The following PCDH15 variants were observed in gnomAD, a reference collection of about 807,000 sequenced individuals.
The protein encoded by PCDH15 is protocadherin-15.
PCDH15 carries 129 observed loss-of-function variants against 178.5 expected under a neutral mutation model. That is an observed-to-expected ratio of 0.72 (90% CI 0.63 to 0.84). PCDH15 has a LOEUF of 0.84. Ranked by LOEUF, PCDH15 falls within the 40% of genes least tolerant of loss-of-function variation. The pLI is 0.00. For missense variants in PCDH15, 2,230 were observed against 2,099.9 expected, an observed-to-expected ratio of 1.06 and a Z score of -1.21; for synonymous variants, 800 against 732.0, an observed-to-expected ratio of 1.09 and a Z score of -1.50.
intron 2 of PCDH15, among the ~76,000 whole-genome samples, chr10:55,086,868 G>C (rs1842183295): frequency 6.6e-6 from 1 of 152,030 alleles, no homozygotes; most frequent in African/African-American, 2.4e-5. Context: ...TTTGGTGGCT[G>C]TTTGTGGTTG....
chr10:54,182,109 C>T (rs905583090), intron 13 of PCDH15, among the ~76,000 whole-genome samples: 6 of 152,196 alleles, frequency 3.9e-5, no homozygotes, highest in Non-Finnish European at 7.4e-5. Flanking sequence ...AGGCGCATGC[C>T]GCCACGTCCG....
At chr10:55,327,124 A>T (rs1013524412) in intron 2 of PCDH15, among the ~76,000 whole-genome samples, 1 of 152,072 alleles carries the variant, frequency 6.6e-6, no homozygotes, top group African/African-American at 2.4e-5. Context: ...GTAGGACCAG[A>T]ACCCTCATGA....
intron 2 of PCDH15, among the ~76,000 whole-genome samples, chr10:54,619,999 CAG>C (rs2093306417): frequency 6.6e-6 from 1 of 151,922 alleles, no homozygotes; most frequent in Non-Finnish European, 1.5e-5. Context: ...ATCAAAAAAA[CAG>C]ATATTTCTTA....
intron 2 of PCDH15, among the ~76,000 whole-genome samples, chr10:55,125,732 T>A (rs937589918): frequency 2.0e-5 from 3 of 152,192 alleles, no homozygotes; most frequent in Non-Finnish European, 2.9e-5. Context: ...AGCATCAGTT[T>A]TTTTGTTTTG....
At chr10:54,225,792 C>G (rs566443724) in intron 9 of PCDH15, among the ~76,000 whole-genome samples, 2 of 152,162 alleles carry the variant, frequency 1.3e-5, no homozygotes, top group South Asian at 4.1e-4. Context: ...ATTACCACTC[C>G]TATTCAAACT....
chr10:53,833,485 C>A (rs2132661530), intron 29 of PCDH15, among the ~76,000 whole-genome samples: 1 of 152,132 alleles, frequency 6.6e-6, no homozygotes, highest in East Asian at 1.9e-4. Flanking sequence ...ATAACATTAT[C>A]CCTTACAAAA....
chr10:54,207,248 A>G (rs1383913354), intron 10 of PCDH15, among the ~76,000 whole-genome samples: 2 of 152,122 alleles, frequency 1.3e-5, no homozygotes, highest in Non-Finnish European at 2.9e-5. Flanking sequence ...ATTAGCTTCC[A>G]TAATTGGCAT....
At chr10:53,950,183 A>G (rs2086902327) in intron 23 of PCDH15, among the ~76,000 whole-genome samples, 1 of 151,998 alleles carries the variant, frequency 6.6e-6, no homozygotes, top group Non-Finnish European at 1.5e-5. Context: ...GATATATTAA[A>G]TTTTAATAAT....
intron 2 of PCDH15, among the ~76,000 whole-genome samples, chr10:55,155,753 T>C (rs1838867941): frequency 6.6e-6 from 1 of 152,086 alleles, no homozygotes; most frequent in Non-Finnish European, 1.5e-5. Flanking sequence ...ACTCATCAAG[T>C]CCCTGATGAG....
At chr10:54,100,730 A>AGTTG (rs2094794398) in intron 15 of PCDH15, among the ~76,000 whole-genome samples, 1 of 152,220 alleles carries the variant, frequency 6.6e-6, no homozygotes, top group African/African-American at 2.4e-5. Context: ...TGTTATCAAT[A>AGTTG]AAACTCTCAC....
intron 21 of PCDH15, among the ~76,000 whole-genome samples, chr10:53,986,280 C>T (rs1166804013): frequency 6.6e-6 from 1 of 152,138 alleles, no homozygotes; most frequent in Admixed American, 6.5e-5. Flanking sequence ...CAGATATCGC[C>T]TCATGCTTTG....
chr10:54,358,832 T>G lies in PCDH15; in HGVS notation c.474+10288A>C, dbSNP rs544829442. 3.2e-4 allele frequency among the ~76,000 whole-genome samples: 49 copies of G among 151,814 alleles called. No homozygotes were observed. The South Asian group carries it at 6.9e-3, about 21-fold the overall frequency. On this transcript the variant is annotated intron_variant, in intron 5 of 37. Transcript: ENST00000644397. ...TACACCATGGAATACTATGCAGCCA[T>G]AAAAAATGATGAGTTCATGTCCTTT...
At chr10:54,177,900 C>G (rs557771665) in intron 13 of PCDH15, among the ~76,000 whole-genome samples, 19 of 152,260 alleles carry the variant, frequency 1.2e-4, no homozygotes, top group African/African-American at 3.8e-4. Context: ...TCTACTTTGT[C>G]ATGTCCAGCT....
At chr10:54,930,864 A>G (rs909603499) in intron 2 of PCDH15, among the ~76,000 whole-genome samples, 2 of 152,172 alleles carry the variant, frequency 1.3e-5, no homozygotes, top group Non-Finnish European at 2.9e-5. Flanking sequence ...TTAATAAGAC[A>G]TACGTAATCA....
In PCDH15 at chr10:54,640,036, G is replaced by A. The variant is rs76633787; in HGVS notation, c.91+24136C>T. On this transcript the variant is annotated intron_variant, in intron 2 of 37. Coordinates refer to ENST00000644397, the MANE Select transcript of PCDH15 (RefSeq NM_001384140.1). The stretch of plus-strand genomic sequence containing the variant: ...GGAGGTCAAAGCTGTAGTGCATCAC[G>A]GTCATACCTGTGAATAGCACTGCAC... 3.4e-3 allele frequency among the ~76,000 whole-genome samples: 512 copies of A among 152,038 alleles called. 6 individuals carry two copies. Among genetic ancestry groups the A allele is most frequent in the African/African-American group, 0.012 (496 of 41,454 alleles).
chr10:54,723,492 T>C (rs1941986854), intron 1 of PCDH15, among the ~76,000 whole-genome samples: 1 of 151,592 alleles, frequency 6.6e-6, no homozygotes, highest in Non-Finnish European at 1.5e-5. Context: ...CCTTAGCAAA[T>C]AATTTATAAT....
chr10:54,927,875 T>C (rs1328567544), intron 2 of PCDH15, among the ~76,000 whole-genome samples: 1 of 152,098 alleles, frequency 6.6e-6, no homozygotes, highest in Non-Finnish European at 1.5e-5. Flanking sequence ...CCAATAGGTA[T>C]TGGTTCTTTA....
intron 8 of PCDH15, among the ~76,000 whole-genome samples, chr10:54,304,049 A>G (rs1050377395): frequency 2.0e-5 from 3 of 152,042 alleles, no homozygotes; most frequent in Admixed American, 6.6e-5. Flanking sequence ...AGGTTTTTGG[A>G]TGTTTATTAC....
intron 1 of PCDH15, among the ~76,000 whole-genome samples, chr10:54,732,878 A>G (rs974381443): frequency 1.3e-5 from 2 of 151,604 alleles, no homozygotes; most frequent in African/African-American, 4.8e-5. Context: ...GCCTGTTTCA[A>G]CATCAGAAAT....
Sources: allele counts gnomAD v4.1 joint callset (sites outside exome capture counted in the v4.1 genomes callset), GRCh38; gene constraint gnomAD v4.1.1; transcripts MANE v1.5; gene names NCBI Gene and HGNC (gene_info 2026-07-23, HGNC 2026-07-21).